The following TYW1 variants were observed in gnomAD, a reference collection of about 807,000 sequenced individuals.
TYW1 encodes S-adenosyl-L-methionine-dependent tRNA 4-demethylwyosine synthase TYW1.
TYW1 carries 46 observed loss-of-function variants against 96.2 expected under a neutral mutation model. The observed-to-expected ratio is 0.48, with a 90% CI of 0.38 to 0.61. TYW1 has a LOEUF of 0.61. Ranked by LOEUF, TYW1 falls within the 20% of genes least tolerant of loss-of-function variation. The probability of loss-of-function intolerance (pLI) is 0.00; values close to 1 mark genes in which losing one functional copy is unlikely to be tolerated. For synonymous variants in TYW1, 274 were observed against 323.0 expected, an observed-to-expected ratio of 0.85 and a Z score of 1.63; for missense variants, 684 against 909.6, an observed-to-expected ratio of 0.75 and a Z score of 3.19.
chr7:67,034,858 A>C (rs1378933136), intron 7 of TYW1, among the ~76,000 whole-genome samples: 1 of 152,232 alleles, frequency 6.6e-6, no homozygotes, highest in African/African-American at 2.4e-5. Context: ...TCCGGCGTCA[A>C]AGGGAGTTTG....
At chr7:67,004,005 C>T (rs1431425198) in intron 3 of TYW1, among the ~76,000 whole-genome samples, 2 of 151,598 alleles carry the variant, frequency 1.3e-5, no homozygotes, top group Non-Finnish European at 2.9e-5. Context: ...GATGGCGCCA[C>T]TGCACTCCAG....
intron 13 of TYW1, among the ~76,000 whole-genome samples, chr7:67,176,823 T>A (rs888261251): frequency 1.3e-5 from 2 of 152,104 alleles, no homozygotes; most frequent in African/African-American, 4.8e-5. Context: ...TTAGACTGGA[T>A]AGTTCTTTTT....
rs1056892368 is a variant in TYW1 at position 67,091,658 on chromosome 7, GT to G, written c.1385-6878del. 7.9e-5 allele frequency among the ~76,000 whole-genome samples: 12 copies of G among 152,276 alleles called. 1 individual carries two copies. The highest frequency in any genetic ancestry group is 5.8e-4 in the East Asian group (3 of 5,186). On this transcript the variant is annotated intron_variant, in intron 11 of 15. Transcript: ENST00000359626. ...CATGAAGTGGAGTCCTTGAGGCTTT[GT>G]TTTTGGGAGGACCAGTGTAACAGCC...
At chr7:67,168,180 T>C (rs1799409722) in intron 13 of TYW1, among the ~76,000 whole-genome samples, 2 of 150,392 alleles carry the variant, frequency 1.3e-5, no homozygotes, top group South Asian at 4.3e-4. Context: ...ATTGAGATTA[T>C]ATGATTTCCT....
intron 13 of TYW1, among the ~76,000 whole-genome samples, chr7:67,119,004 C>T (rs2960961): frequency 0.28 from 41,974 of 150,874 alleles, 6,644 homozygotes; most frequent in African/African-American, 0.44. Context: ...AATGTTCACA[C>T]TGAATGTCAT....
At chr7:67,109,109 T>C (rs1446158714) in intron 12 of TYW1, among the ~76,000 whole-genome samples, 1 of 151,210 alleles carries the variant, frequency 6.6e-6, no homozygotes, top group Non-Finnish European at 1.5e-5. Flanking sequence ...CTGTCTCTAC[T>C]AAAAATACAA....
At chr7:67,162,642 T>C (rs951478085) in intron 13 of TYW1, among the ~76,000 whole-genome samples, 2 of 152,204 alleles carry the variant, frequency 1.3e-5, no homozygotes, top group Non-Finnish European at 2.9e-5. Flanking sequence ...CATTTGTATT[T>C]GATGCAGGAG....
chr7:67,014,911 C>A (rs1370003196), intron 5 of TYW1, among the ~76,000 whole-genome samples: 1 of 150,476 alleles, frequency 6.6e-6, no homozygotes, highest in Non-Finnish European at 1.5e-5. Context: ...TGTATTTTTA[C>A]TAGAGACGGG....
chr7:67,231,433 C>T (rs1451876518), intron 15 of TYW1, among the ~76,000 whole-genome samples: 2 of 152,196 alleles, frequency 1.3e-5, no homozygotes, highest in Non-Finnish European at 2.9e-5. Context: ...CCTAAAGTTA[C>T]TCCTTCATTC....
chr7:67,196,660 T>C (rs1308126098), intron 15 of TYW1, among the ~76,000 whole-genome samples: 1 of 151,710 alleles, frequency 6.6e-6, no homozygotes, highest in East Asian at 1.9e-4. Context: ...TCTCTCCCTC[T>C]AGTCCATTGA....
intron 13 of TYW1, among the ~76,000 whole-genome samples, chr7:67,144,929 C>A (rs1050710905): frequency 6.6e-6 from 1 of 151,614 alleles, no homozygotes; most frequent in African/African-American, 2.4e-5. Context: ...AATGCCAGCT[C>A]CAAATACAAT....
chr7:67,063,666 C>T (rs6975601), intron 9 of TYW1, among the ~76,000 whole-genome samples: 43,693 of 151,380 alleles, frequency 0.29, 6,447 homozygotes, highest in Middle Eastern at 0.35. Flanking sequence ...TGTAGTGGCG[C>T]GATCTCGGCT....
At chr7:67,054,465 A>G (rs892826294) in intron 8 of TYW1, among the ~76,000 whole-genome samples, 2 of 152,176 alleles carry the variant, frequency 1.3e-5, no homozygotes, top group African/African-American at 4.8e-5. Flanking sequence ...GAGATGAGTT[A>G]CTCAATTGGA....
chr7:67,150,207 T>A (rs1441762654), intron 13 of TYW1, among the ~76,000 whole-genome samples: 1 of 152,172 alleles, frequency 6.6e-6, no homozygotes, highest in African/African-American at 2.4e-5. Flanking sequence ...GTGGTAGGAC[T>A]GAGGACAGGG....
intron 10 of TYW1, among the ~76,000 whole-genome samples, chr7:67,071,902 T>C (rs1584525294): frequency 6.6e-6 from 1 of 151,798 alleles, no homozygotes; most frequent in East Asian, 1.9e-4. Flanking sequence ...GATTACAGAC[T>C]TGAGCCACCA....
intron 2 of TYW1, 116 bp from the exon 3 acceptor site, chr7:66,998,701 G>A: frequency 8.4e-7 from 1 of 1,196,516 alleles, no homozygotes; most frequent in Non-Finnish European, 1.2e-6. Context: ...GAAAAATACA[G>A]TGTGTCAGAT....
At chr7:67,004,543 A>G (rs1164805127) in intron 3 of TYW1, among the ~76,000 whole-genome samples, 1 of 152,178 alleles carries the variant, frequency 6.6e-6, no homozygotes, top group Non-Finnish European at 1.5e-5. Context: ...CCAATCTTGA[A>G]CTTTTTCAGA....
chr7:67,215,136 T>C (rs1267288416), intron 15 of TYW1, among the ~76,000 whole-genome samples: 2 of 150,828 alleles, frequency 1.3e-5, no homozygotes, highest in African/African-American at 4.9e-5. Context: ...GACAAGGAAC[T>C]AGGAAACTAT....
intron 7 of TYW1, among the ~76,000 whole-genome samples, chr7:67,046,173 C>T (rs1378770304): frequency 2.6e-5 from 4 of 152,060 alleles, no homozygotes; most frequent in African/African-American, 7.2e-5. Flanking sequence ...TGGAGCATGC[C>T]GTGAGGTGAT....
Sources: allele counts gnomAD v4.1 joint callset (sites outside exome capture counted in the v4.1 genomes callset), GRCh38; gene constraint gnomAD v4.1.1; transcripts MANE v1.5; gene names NCBI Gene and HGNC (gene_info 2026-07-23, HGNC 2026-07-21).